The following CHSY3 variants were observed in gnomAD, a reference collection of about 807,000 sequenced individuals.
CHSY3 encodes chondroitin sulfate synthase 3.
A neutral mutation model predicts 67.2 loss-of-function variants in CHSY3; 35 were observed. The observed-to-expected ratio is 0.52, with a 90% CI of 0.40 to 0.69. CHSY3 has a LOEUF of 0.69. CHSY3 is among the 30% of genes least tolerant of loss of function. The probability of loss-of-function intolerance (pLI) is 0.00; values close to 1 mark genes in which losing one functional copy is unlikely to be tolerated. For synonymous variants in CHSY3, 474 were observed against 434.7 expected (o/e 1.09, Z -1.12); for missense variants, 1,069 against 1,138.5 (o/e 0.94, Z 0.88).
At chr5:129,966,709 T>C (rs1448402573) in intron 2 of CHSY3, among the ~76,000 whole-genome samples, 1 of 151,830 alleles carries the variant, frequency 6.6e-6, no homozygotes, top group East Asian at 1.9e-4. Flanking sequence ...TGAAAAGTTC[T>C]GCTTTTATCC....
intron 2 of CHSY3, among the ~76,000 whole-genome samples, chr5:129,918,980 G>A (rs370475778): frequency 7.4e-5 from 11 of 148,656 alleles, no homozygotes; most frequent in South Asian, 4.3e-4. Flanking sequence ...GGTGGCGGGC[G>A]CCTGTAGTCC....
chr5:130,099,163 C>T (rs908910517), intron 2 of CHSY3, among the ~76,000 whole-genome samples: 3 of 152,210 alleles, frequency 2.0e-5, no homozygotes, highest in African/African-American at 7.2e-5. Flanking sequence ...CTACCTCCCA[C>T]AAACCAATTT....
intron 2 of CHSY3, among the ~76,000 whole-genome samples, chr5:130,167,928 A>G (rs1237828069): frequency 6.6e-6 from 1 of 152,124 alleles, no homozygotes; most frequent in Non-Finnish European, 1.5e-5. Context: ...ATTTAATCCA[A>G]TATCAGACTG....
intron 2 of CHSY3, among the ~76,000 whole-genome samples, chr5:130,081,473 A>T (rs750295406): frequency 5.9e-5 from 9 of 152,002 alleles, no homozygotes; most frequent in Non-Finnish European, 1.2e-4. Flanking sequence ...TAGTGTGATG[A>T]TTAAATTAGA....
intron 2 of CHSY3, among the ~76,000 whole-genome samples, chr5:129,940,423 T>A (rs1310522291): frequency 1.3e-5 from 2 of 152,132 alleles, no homozygotes; most frequent in Non-Finnish European, 2.9e-5. Context: ...CAAAATTATA[T>A]CATTATATTG....
chr5:129,962,723 G>T (rs553549757), intron 2 of CHSY3, among the ~76,000 whole-genome samples: 45 of 152,040 alleles, frequency 3.0e-4, no homozygotes, highest in Admixed American at 1.2e-3. Context: ...CCTCTTTGAT[G>T]GTGACATCAA....
chr5:130,059,053 GT>G, intron 2 of CHSY3, among the ~76,000 whole-genome samples: 1 of 152,296 alleles, frequency 6.6e-6, no homozygotes, highest in Middle Eastern at 3.4e-3. Context: ...GTCTAGATGT[GT>G]TTTGTGAAGG....
rs539934678 is a variant in CHSY3 at position 129,917,611 on chromosome 5, G to A, written c.1086+9251G>A. Among the ~76,000 whole-genome samples, 7 of 152,308 alleles carry A rather than the reference G, an allele frequency of 4.6e-5. No individual in the cohort carries two copies. The South Asian group carries it at 1.2e-3, about 27-fold the overall frequency. On this transcript the variant is annotated intron_variant, in intron 2 of 2. Transcript: ENST00000305031. Reference sequence around the variant, plus strand: ...TGCCACACAATAAACTCTGCATAAAGGTTAACTATTATTACTATTTTCCAG... The same window carrying A: ...TGCCACACAATAAACTCTGCATAAAAGTTAACTATTATTACTATTTTCCAG...
intron 2 of CHSY3, among the ~76,000 whole-genome samples, chr5:129,984,498 G>A (rs1374545177): frequency 6.6e-6 from 1 of 152,084 alleles, no homozygotes; most frequent in Non-Finnish European, 1.5e-5. Flanking sequence ...ACATTCATGT[G>A]TCTTTATGGT....
At chr5:129,944,585 G>A (rs1010042537) in intron 2 of CHSY3, among the ~76,000 whole-genome samples, 1 of 151,974 alleles carries the variant, frequency 6.6e-6, no homozygotes, top group African/African-American at 2.4e-5. Context: ...TGCCCACCTC[G>A]GCCTTCCAAA....
intron 2 of CHSY3, among the ~76,000 whole-genome samples, chr5:130,119,485 CT>C (rs1767934332): frequency 6.6e-6 from 1 of 152,146 alleles, no homozygotes; most frequent in Admixed American, 6.5e-5. Flanking sequence ...TTTGAGGGGC[CT>C]CAGGTCGCAG....
chr5:129,917,301 T>G (rs966807353), intron 2 of CHSY3, among the ~76,000 whole-genome samples: 1 of 152,154 alleles, frequency 6.6e-6, no homozygotes. Flanking sequence ...GATGCTAAAG[T>G]TCCTTATATA....
chr5:130,028,905 C>A (rs1252733984), intron 2 of CHSY3, among the ~76,000 whole-genome samples: 1 of 151,824 alleles, frequency 6.6e-6, no homozygotes, highest in Non-Finnish European at 1.5e-5. Context: ...TTTGTCTCTC[C>A]CCCACATCTG....
intron 2 of CHSY3, among the ~76,000 whole-genome samples, chr5:130,037,835 A>G (rs1232355389): frequency 6.6e-6 from 1 of 152,084 alleles, no homozygotes; most frequent in East Asian, 1.9e-4. Flanking sequence ...GCTTTCACTT[A>G]AAAGCAGCCA....
At chr5:130,170,258 A>T (rs552772078) in intron 2 of CHSY3, among the ~76,000 whole-genome samples, 1 of 152,122 alleles carries the variant, frequency 6.6e-6, no homozygotes, top group East Asian at 1.9e-4. Flanking sequence ...TTTCTGAGTT[A>T]GTTCACTTAG....
At chr5:130,108,855 G>A (rs1332977706) in intron 2 of CHSY3, among the ~76,000 whole-genome samples, 1 of 151,610 alleles carries the variant, frequency 6.6e-6, no homozygotes, top group Non-Finnish European at 1.5e-5. Context: ...AACATGTCAA[G>A]CACCCAGAAT....
chr5:129,937,233 T>C (rs1415309430), intron 2 of CHSY3, among the ~76,000 whole-genome samples: 1 of 152,186 alleles, frequency 6.6e-6, no homozygotes, highest in Non-Finnish European at 1.5e-5. Flanking sequence ...CAGGAAACTT[T>C]ATGGTGGAAG....
intron 2 of CHSY3, among the ~76,000 whole-genome samples, chr5:130,116,726 C>T (rs1199343693): frequency 6.6e-6 from 1 of 152,148 alleles, no homozygotes; most frequent in Non-Finnish European, 1.5e-5. Flanking sequence ...CACAGAAATG[C>T]GGACCTGAAG....
At chr5:129,926,489 A>G (rs902225538) in intron 2 of CHSY3, among the ~76,000 whole-genome samples, 1 of 152,010 alleles carries the variant, frequency 6.6e-6, no homozygotes, top group Non-Finnish European at 1.5e-5. Context: ...TTTAAAATAT[A>G]AATCCATGAT....
Sources: gnomAD v4.1 joint callset for allele counts (sites outside exome capture counted in the v4.1 genomes callset) on GRCh38, gnomAD v4.1.1 for gene constraint, MANE v1.5 for transcripts, NCBI Gene and HGNC (gene_info 2026-07-23, HGNC 2026-07-21) for gene names.